LAMB3: variants seen among roughly 807,000 people sequenced by gnomAD.
The protein encoded by LAMB3 is laminin subunit beta-3.
Under a neutral mutation model 140.3 loss-of-function variants are expected in LAMB3, and 104 were observed. That is an observed-to-expected ratio of 0.74 (90% CI 0.63 to 0.87). The LOEUF (loss-of-function observed/expected upper bound fraction) is 0.87, where lower values mean the gene tolerates loss of function less well. Among genes scored for constraint, LAMB3 ranks in the 40% least tolerant of loss-of-function variants. The pLI is 0.00. For synonymous variants in LAMB3, 592 were observed against 602.9 expected, an observed-to-expected ratio of 0.98 and a Z score of 0.26; for missense variants, 1,531 against 1,575.2, an observed-to-expected ratio of 0.97 and a Z score of 0.47.
At chr1:209,643,173 C>T (rs2102454514) in intron 3 of LAMB3, among the ~76,000 whole-genome samples, 1 of 152,372 alleles carries the variant, frequency 6.6e-6, no homozygotes, top group South Asian at 2.1e-4. Flanking sequence ...AGACAAGCTG[C>T]TAATTTATCC....
chr1:209,620,289 AC>A (rs1161301443), intron 18 of LAMB3, among the ~76,000 whole-genome samples: 3 of 152,202 alleles, frequency 2.0e-5, no homozygotes, highest in Admixed American at 2.0e-4. Context: ...AGGCACATGA[AC>A]AAGGAAGTAC....
rs1290254124 is a variant in LAMB3, at chr1:209,615,314, T to A, written c.3476A>T (p.Asp1159Val). The stretch of plus-strand genomic sequence containing the variant: ...GTAGAGCACGCGCCCATTGATGTGG[T>A]CACGGATCTGCTCCACACGCTTCTC... ...GLEKRVEQIRDHINGRVLYYA... is the reference protein window; with the variant it reads ...GLEKRVEQIRVHINGRVLYYA... The change falls in exon 23 of 23, where the codon GAC (aspartate) becomes GTC (valine). Residue 1159 changes from aspartate (D) to valine (V), a missense_variant. By Grantham distance (152) the Asp-to-Val change is radical. Transcript: ENST00000356082. 1.2e-6 allele frequency: 2 copies of A among 1,614,016 alleles called. No homozygotes were observed. The highest frequency in any genetic ancestry group is 2.7e-5 in the African/African-American group (2 of 74,934).
At position 209,635,975 on chromosome 1, in the gene LAMB3, C is replaced by T. The variant is rs115512480; in HGVS notation, c.373-1337G>A. Among the ~76,000 whole-genome samples the T allele has an allele frequency of 5.6e-3, 852 of 152,312 alleles. 6 individuals are homozygous for T. Among genetic ancestry groups the T allele is most frequent in the African/African-American group, 0.019 (786 of 41,566 alleles). ...CCAGTCTTTCTTGGAATGCTCCTCCCGCTGGTGGGTTCCCTCTCATCTTTT... is the reference window on the plus strand; with the variant it reads ...CCAGTCTTTCTTGGAATGCTCCTCCTGCTGGTGGGTTCCCTCTCATCTTTT... On this transcript the variant is annotated intron_variant, in intron 5 of 22. Coordinates refer to ENST00000356082, the MANE Select transcript of LAMB3 (RefSeq NM_000228.3).
At position 209,623,953 on chromosome 1, in the gene LAMB3, G is replaced by A. The variant is rs372853075; in HGVS notation, c.2024C>T (p.Thr675Met). 181 of 1,613,964 alleles carry A rather than the reference G, an allele frequency of 1.1e-4. No homozygotes were observed. The highest frequency in any genetic ancestry group is 1.6e-4 in the Middle Eastern group (1 of 6,080). Residue 675 changes from threonine to methionine, a missense_variant, in exon 15 of 23, where the codon ACG becomes ATG. Coordinates refer to ENST00000356082, the MANE Select transcript of LAMB3 (RefSeq NM_000228.3). The surrounding 1 kb of genome is among the most constrained non-coding windows in gnomAD (Gnocchi z 4.2). Reference sequence around the variant, plus strand: ...CTCCAGGTCTCTCGGAAGGGACAACGTCTCCTCCTCCAGGGGCAGATCCAG... The same window carrying A: ...CTCCAGGTCTCTCGGAAGGGACAACATCTCCTCCTCCAGGGGCAGATCCAG... ...LQLDLPLEEE[T>M]LSLPRDLESL...
At chr1:209,633,907 T>G (rs1431256811) in intron 6 of LAMB3, among the ~76,000 whole-genome samples, 3 of 152,156 alleles carry the variant, frequency 2.0e-5, no homozygotes, top group Admixed American at 1.3e-4. Context: ...GGGAGAAACA[T>G]TCTGAGTTTT....
At chr1:209,638,730 T>A (rs2076430122) in intron 3 of LAMB3, 82 bp from the exon 4 acceptor site, 1 of 821,254 alleles carries the variant, frequency 1.2e-6, no homozygotes, top group African/African-American at 1.7e-5. Flanking sequence ...CCAGCATATC[T>A]CCTCTGTGGA....
Position 209,632,464 on chromosome 1 carries a change from G to A in LAMB3, c.822+119C>T. ...TCGATTTTTTGTTGTTGCTGCTGAAGTATTAAATACCCAAGTCTTAGATTT... is the reference window on the plus strand; with the variant it reads ...TCGATTTTTTGTTGTTGCTGCTGAAATATTAAATACCCAAGTCTTAGATTT... On this transcript the variant is annotated intron_variant, in intron 8 of 22. Transcript: ENST00000356082. 3 of 752,468 alleles carry A rather than the reference G, an allele frequency of 4.0e-6. No homozygotes were observed. The South Asian group carries it at 5.5e-5, about 14-fold the overall frequency. The allele number at this position is 752,468 out of a possible 1,614,324, so 46.6% of individuals were successfully genotyped here. A position where few individuals can be genotyped will look rare whatever the true frequency, so the allele number is the denominator to read the frequency against.
rs1317318193 is a variant in LAMB3, at chr1:209,615,097, TC to T, written c.*173del. On this transcript the variant is annotated 3_prime_UTR_variant, in exon 23 of 23. Transcript: ENST00000356082. ...TGTCAAGTGTAACTGTCCCATTGGCTCAGGCTCAGCTGCAGCTCAGGGTAAT... is the reference window on the plus strand; with the variant it reads ...TGTCAAGTGTAACTGTCCCATTGGCTAGGCTCAGCTGCAGCTCAGGGTAAT... 3 of 701,840 alleles carry T rather than the reference TC, an allele frequency of 4.3e-6. No individual in the cohort carries two copies. Among genetic ancestry groups the T allele is most frequent in the Non-Finnish European group, 4.8e-6 (2 of 419,458 alleles). 43.5% of individuals were successfully genotyped at this position (701,840 alleles called of 1,614,324 possible). A position where few individuals can be genotyped will look rare whatever the true frequency, so the allele number is the denominator to read the frequency against.
chr1:209,635,832 A>T (rs575678652), intron 5 of LAMB3, among the ~76,000 whole-genome samples: 5 of 152,314 alleles, frequency 3.3e-5, no homozygotes, highest in Non-Finnish European at 7.4e-5. Context: ...TCTGGAACGA[A>T]ATCTGAACTT....
At chr1:209,645,416 C>A (rs1337173305) in intron 3 of LAMB3, among the ~76,000 whole-genome samples, 2 of 152,084 alleles carry the variant, frequency 1.3e-5, no homozygotes, top group African/African-American at 2.4e-5. Context: ...TTCTGGGAAA[C>A]AAAAAAGCAG....
At chr1:209,640,129 T>G (rs2076454881) in intron 3 of LAMB3, among the ~76,000 whole-genome samples, 1 of 152,298 alleles carries the variant, frequency 6.6e-6, no homozygotes, top group Admixed American at 6.5e-5. Flanking sequence ...AGTCTGCAAA[T>G]GAAGAGAACT....
In LAMB3 at chr1:209,650,404, T is replaced by C. The variant is rs570257534; in HGVS notation, c.29-286A>G. ...GGCTTTTAGAACCAGACTGGAGACA[T>C]AGACTCGGCCATCATGACAAGGTCC... On this transcript the variant is annotated intron_variant, in intron 2 of 22. Coordinates refer to ENST00000356082, the MANE Select transcript of LAMB3 (RefSeq NM_000228.3). 3.3e-5 allele frequency among the ~76,000 whole-genome samples: 5 copies of C among 152,252 alleles called. No homozygotes were observed. The East Asian group carries it at 9.7e-4, about 29-fold the overall frequency.
intron 5 of LAMB3, among the ~76,000 whole-genome samples, chr1:209,636,450 G>T (rs1461473411): frequency 2.0e-5 from 3 of 152,166 alleles, no homozygotes; most frequent in Non-Finnish European, 4.4e-5. Flanking sequence ...ATTGTCTGTG[G>T]TTCACAGGTG....
In LAMB3 at chr1:209,618,616, G is replaced by A. The variant is rs200462390; in HGVS notation, c.2745C>T (p.Ala915=). 59 of 1,614,216 alleles carry A rather than the reference G, an allele frequency of 3.7e-5. No homozygotes were observed. Among genetic ancestry groups the A allele is most frequent in the East Asian group, 2.9e-4 (13 of 44,884 alleles). ...DAATIQEVSE[A]VLALWLPTDS... Reference sequence around the variant, plus strand: ...CTGTGGGCAGCCACAGGGCCAGCACGGCCTCGCTGACCTCCTGGATAGTGG... The same window carrying A: ...CTGTGGGCAGCCACAGGGCCAGCACAGCCTCGCTGACCTCCTGGATAGTGG... Residue 915 remains alanine, a synonymous_variant, in exon 19 of 23, where the codon GCC becomes GCT. Coordinates refer to ENST00000356082, the MANE Select transcript of LAMB3 (RefSeq NM_000228.3).
At chr1:209,626,097 G>A in intron 13 of LAMB3, 71 bp from the exon 14 acceptor site, 1 of 1,531,462 alleles carries the variant, frequency 6.5e-7, no homozygotes, top group Non-Finnish European at 8.9e-7. Flanking sequence ...GGAGAGCCCT[G>A]AAGAGGAGGT....
intron 5 of LAMB3, among the ~76,000 whole-genome samples, chr1:209,635,441 C>G (rs925429262): frequency 2.0e-5 from 3 of 152,166 alleles, no homozygotes; most frequent in Non-Finnish European, 4.4e-5. Flanking sequence ...CTCACTCCGT[C>G]ACTCAGGCCA....
chr1:209,622,865 A>T, intron 17 of LAMB3, 117 bp downstream of exon 17: 1 of 1,368,642 alleles, frequency 7.3e-7, no homozygotes, highest in Non-Finnish European at 1.0e-6. Context: ...GTGGCACCTT[A>T]AGCAGGTCAC....
At chr1:209,649,891 ATTCAGTG>A (rs2076549658) in intron 3 of LAMB3, 66 bp downstream of exon 3, 1 of 1,531,108 alleles carries the variant, frequency 6.5e-7, no homozygotes, top group Non-Finnish European at 9.0e-7. Flanking sequence ...CATTCTAAGT[ATTCAGTG>A]GACAAATGGC....
chr1:209,639,989 C>T (rs565479511), intron 3 of LAMB3, among the ~76,000 whole-genome samples: 1 of 152,310 alleles, frequency 6.6e-6, no homozygotes, highest in South Asian at 2.1e-4. Flanking sequence ...AGTGATAGAA[C>T]CTCCCTGCCC....
Sources: gnomAD v4.1 joint callset for allele counts (sites outside exome capture counted in the v4.1 genomes callset) on GRCh38, gnomAD v4.1.1 for gene constraint, Gnocchi (gnomAD v3.1) non-coding constraint, MANE v1.5 for transcripts, NCBI Gene and HGNC (gene_info 2026-07-23, HGNC 2026-07-21) for gene names.